DNAJC3: variants seen among roughly 807,000 people sequenced by gnomAD.
The protein encoded by DNAJC3 is dnaJ homolog subfamily C member 3.
Under a neutral mutation model 68.6 loss-of-function variants are expected in DNAJC3, and 38 were observed. The observed-to-expected ratio is 0.55, with a 90% CI of 0.43 to 0.73. DNAJC3 has a LOEUF of 0.73. Ranked by LOEUF, DNAJC3 falls within the 30% of genes least tolerant of loss-of-function variation. The pLI, the probability that DNAJC3 is intolerant of heterozygous loss-of-function variation, is 0.00. For missense variants in DNAJC3, 526 were observed against 591.9 expected (o/e 0.89, Z 1.16); for synonymous variants, 203 against 204.0 (o/e 1.00, Z 0.04).
At chr13:95,761,401 G>T (rs17883975) in intron 7 of DNAJC3, among the ~76,000 whole-genome samples, 1 of 152,174 alleles carries the variant, frequency 6.6e-6, no homozygotes, top group African/African-American at 2.4e-5. Context: ...ACTGAAAAGA[G>T]TAGAGGGCAC....
chr13:95,704,385 C>T (rs1488777828), intron 1 of DNAJC3, among the ~76,000 whole-genome samples: 1 of 152,182 alleles, frequency 6.6e-6, no homozygotes, highest in African/African-American at 2.4e-5. Flanking sequence ...TAAACTGCAG[C>T]TTGTAAAACA....
intron 4 of DNAJC3, among the ~76,000 whole-genome samples, chr13:95,746,491 T>C (rs1350751387): frequency 3.9e-5 from 6 of 152,204 alleles, no homozygotes; most frequent in Non-Finnish European, 5.9e-5. Flanking sequence ...AGATGACATA[T>C]TCCTATCTTT....
intron 1 of DNAJC3, among the ~76,000 whole-genome samples, chr13:95,678,535 A>G (rs893717650): frequency 6.6e-6 from 1 of 152,226 alleles, no homozygotes; most frequent in Non-Finnish European, 1.5e-5. Context: ...AGAAAAATCT[A>G]GGGGATTGGA....
At chr13:95,765,721 A>T (rs1215120118) in intron 9 of DNAJC3, among the ~76,000 whole-genome samples, 5 of 151,820 alleles carry the variant, frequency 3.3e-5, no homozygotes, top group Admixed American at 6.6e-5. Context: ...ACAGGTGTGC[A>T]CCACCACGCC....
At chr13:95,722,098 T>A (rs1187318633) in intron 2 of DNAJC3, among the ~76,000 whole-genome samples, 1 of 152,234 alleles carries the variant, frequency 6.6e-6, no homozygotes, top group Non-Finnish European at 1.5e-5. Flanking sequence ...AAATGCTTTT[T>A]AGAAGGATTG....
chr13:95,697,786 GTT>G (rs35414850), intron 1 of DNAJC3, among the ~76,000 whole-genome samples: 1,675 of 112,276 alleles, frequency 0.015, 34 homozygotes, highest in Middle Eastern at 0.05. Flanking sequence ...CCTTCAAGAA[GTT>G]TTTTTTTTTT....
At chr13:95,776,925 C>T (rs1355949951) in intron 9 of DNAJC3, among the ~76,000 whole-genome samples, 1 of 152,204 alleles carries the variant, frequency 6.6e-6, no homozygotes, top group Non-Finnish European at 1.5e-5. Flanking sequence ...TGTATCCCTT[C>T]TGCACCATCA....
In DNAJC3 at chr13:95,723,260, A is replaced by C; in HGVS notation, c.212A>C (p.Tyr71Ser). Residue 71 changes from tyrosine (Y) to serine (S), a missense_variant, in exon 3 of 12, where the codon TAT becomes TCT. Transcript: ENST00000602402. The part of the protein sequence containing the change: ...HAAVDGDPDN[Y>S]IAYYRRATVF... ...TTTTCAGATGGTGACCCTGATAACTATATTGCTTATTATCGGAGGGCTACT... is the reference window on the plus strand; with the variant it reads ...TTTTCAGATGGTGACCCTGATAACTCTATTGCTTATTATCGGAGGGCTACT... The C allele has an allele frequency of 6.2e-7, 1 of 1,610,296 alleles. No individual in the cohort carries two copies. Among genetic ancestry groups the C allele is most frequent in the Non-Finnish European group, 8.5e-7 (1 of 1,177,282 alleles).
chr13:95,707,099 C>A (rs1445149418), intron 1 of DNAJC3, among the ~76,000 whole-genome samples: 1 of 152,106 alleles, frequency 6.6e-6, no homozygotes, highest in Non-Finnish European at 1.5e-5. Flanking sequence ...GATCATCAGG[C>A]TTTAGTTAGA....
chr13:95,757,321 T>C (rs1882692951), intron 4 of DNAJC3, among the ~76,000 whole-genome samples: 1 of 152,192 alleles, frequency 6.6e-6, no homozygotes, highest in East Asian at 1.9e-4. Context: ...TGCAGAGCTA[T>C]ATGTAAGAAA....
At chr13:95,728,756 A>C (rs552148760) in intron 4 of DNAJC3, among the ~76,000 whole-genome samples, 9 of 152,334 alleles carry the variant, frequency 5.9e-5, no homozygotes, top group Non-Finnish European at 5.9e-5. Context: ...TGTGATGATC[A>C]AGTCAGGGTA....
At chr13:95,688,830 G>T (rs1023421751) in intron 1 of DNAJC3, among the ~76,000 whole-genome samples, 1 of 151,618 alleles carries the variant, frequency 6.6e-6, no homozygotes, top group Non-Finnish European at 1.5e-5. Context: ...TGATCATACG[G>T]GTTTTGTTTT....
intron 4 of DNAJC3, among the ~76,000 whole-genome samples, chr13:95,736,195 A>G (rs1156663086): frequency 6.6e-6 from 1 of 152,194 alleles, no homozygotes; most frequent in Admixed American, 6.5e-5. Context: ...CTGTTTTGGT[A>G]CTAGTACCAT....
At chr13:95,761,996 A>G (rs1191999631) in intron 7 of DNAJC3, among the ~76,000 whole-genome samples, 1 of 152,102 alleles carries the variant, frequency 6.6e-6, no homozygotes, top group Non-Finnish European at 1.5e-5. Flanking sequence ...AGTAGTTTCC[A>G]TGGTATGGAT....
At position 95,704,849 on chromosome 13, in the gene DNAJC3, G is replaced by GTTTTTTT. The variant is rs1292968162; in HGVS notation, c.83-4377_83-4376insTTTTTTT. 6.1e-3 allele frequency among the ~76,000 whole-genome samples: 628 copies of GTTTTTTT among 102,684 alleles called. 9 individuals carry two copies. Among genetic ancestry groups the GTTTTTTT allele is most frequent in the African/African-American group, 0.044 (591 of 13,542 alleles). 67.4% of individuals were successfully genotyped at this position (102,684 alleles called of 152,430 possible). On this transcript the variant is annotated intron_variant, in intron 1 of 11. Coordinates refer to ENST00000602402, the MANE Select transcript of DNAJC3 (RefSeq NM_006260.5). Reference sequence around the variant, plus strand: ...TTAGAAAGGACTAATCTGTGTGTGTGTGTTTTTTTTTTTTTTTTTTGAGAC... The same window carrying GTTTTTTT: ...TTAGAAAGGACTAATCTGTGTGTGTGTTTTTTTTGTTTTTTTTTTTTTTTTTTGAGAC...
At chr13:95,699,976 C>T (rs919696402) in intron 1 of DNAJC3, among the ~76,000 whole-genome samples, 1 of 152,054 alleles carries the variant, frequency 6.6e-6, no homozygotes, top group Non-Finnish European at 1.5e-5. Flanking sequence ...TGTCACCACA[C>T]CAGGCTCATT....
intron 4 of DNAJC3, among the ~76,000 whole-genome samples, chr13:95,751,518 G>A (rs1882478414): frequency 6.6e-6 from 1 of 152,102 alleles, no homozygotes; most frequent in African/African-American, 2.4e-5. Flanking sequence ...TGATTTCTTA[G>A]GATACCTCCA....
intron 11 of DNAJC3, among the ~76,000 whole-genome samples, chr13:95,788,349 C>G (rs1883664891): frequency 6.6e-6 from 1 of 152,122 alleles, no homozygotes; most frequent in African/African-American, 2.4e-5. Context: ...GTGAGAGGGA[C>G]TTTGTGCTAC....
chr13:95,708,980 T>A (rs933762199), intron 1 of DNAJC3, among the ~76,000 whole-genome samples: 7 of 152,192 alleles, frequency 4.6e-5, no homozygotes, highest in African/African-American at 1.7e-4. Flanking sequence ...AACTTCCCTT[T>A]ATTTTCTGGA....
Sources: gnomAD v4.1 joint callset for allele counts (sites outside exome capture counted in the v4.1 genomes callset) on GRCh38, gnomAD v4.1.1 for gene constraint, MANE v1.5 for transcripts, NCBI Gene and HGNC (gene_info 2026-07-23, HGNC 2026-07-21) for gene names.